Variants in TCEANC2 observed in about 807,000 individuals in gnomAD.
TCEANC2 encodes the protein transcription elongation factor A N-terminal and central domain containing 2.
In TCEANC2, 20 loss-of-function variants were observed where a neutral mutation model predicts 22.8. The ratio of observed to expected loss-of-function variants is 0.88; its 90% CI spans 0.62 to 1.28. TCEANC2 has a LOEUF of 1.28. Ranked by LOEUF, TCEANC2 falls within the 50% of genes most tolerant of loss-of-function variation. The pLI is 0.00. For synonymous variants in TCEANC2, 84 were observed against 95.5 expected (o/e 0.88, Z 0.70); for missense variants, 251 against 249.7 (o/e 1.01, Z -0.03).
In TCEANC2 at chr1:54,100,308, C is replaced by G. The variant is rs1658638505; in HGVS notation, c.*3835C>G. The stretch of plus-strand genomic sequence containing the variant: ...GGTCTTGGTCCTCTGTGTAGGGACT[C>G]AGTCTCTGTATTTTCATTCATTCAT... On this transcript the variant is annotated 3_prime_UTR_variant, in exon 5 of 5. Transcript: ENST00000234827. The G allele has an allele frequency of 6.6e-6, 1 of 151,942 alleles. No individual in the cohort carries two copies. Among genetic ancestry groups the G allele is most frequent in the Non-Finnish European group, 1.5e-5 (1 of 67,984 alleles). 9.4% of individuals were successfully genotyped at this position (151,942 alleles called of 1,614,324 possible).
At chr1:54,088,875 G>A (rs1406068726) in intron 4 of TCEANC2, 85 bp downstream of exon 4, 2 of 978,612 alleles carry the variant, frequency 2.0e-6, no homozygotes, top group Non-Finnish European at 2.8e-6. Flanking sequence ...GTCCTGGTCG[G>A]ATGTGATTAG....
At chr1:54,110,665 C>G (rs925056562), downstream of TCEANC2, among the ~76,000 whole-genome samples, 1 of 152,142 alleles carries the variant, frequency 6.6e-6, no homozygotes, top group African/African-American at 2.4e-5. Flanking sequence ...TCCGATCACC[C>G]TAAGAATAAA....
intron 3 of TCEANC2, among the ~76,000 whole-genome samples, chr1:54,074,202 G>A (rs1658105833): frequency 6.6e-6 from 1 of 152,182 alleles, no homozygotes; most frequent in South Asian, 2.1e-4. Flanking sequence ...AGTGGCTCAG[G>A]CCTGTAATCT....
intron 3 of TCEANC2, among the ~76,000 whole-genome samples, chr1:54,087,606 AT>A (rs2100380488): frequency 6.6e-6 from 1 of 152,296 alleles, no homozygotes; most frequent in East Asian, 1.9e-4. Context: ...TCTAGTGCAT[AT>A]TCATATTCCT....
At chr1:54,068,561 C>G (rs1036077709) in intron 2 of TCEANC2, among the ~76,000 whole-genome samples, 195 bp from the exon 3 acceptor site, 1 of 152,204 alleles carries the variant, frequency 6.6e-6, no homozygotes, top group South Asian at 2.1e-4. Context: ...AGATGCACCT[C>G]TCTTCCTGAT....
chr1:54,058,633 A>C (rs1657796387), intron 2 of TCEANC2, among the ~76,000 whole-genome samples: 1 of 152,058 alleles, frequency 6.6e-6, no homozygotes, highest in Non-Finnish European at 1.5e-5. Context: ...TTCCAGCCAC[A>C]CCTTATTTCT....
At chr1:54,092,456 C>G (rs1658464343) in intron 4 of TCEANC2, among the ~76,000 whole-genome samples, 1 of 152,104 alleles carries the variant, frequency 6.6e-6, no homozygotes, top group Admixed American at 6.6e-5. Context: ...AGAACATACA[C>G]ATAAAATAGA....
intron 4 of TCEANC2, chr1:54,089,918 G>T: frequency 1.3e-6 from 1 of 753,774 alleles, no homozygotes; most frequent in Non-Finnish European, 2.3e-6. Flanking sequence ...AGCAAACAAT[G>T]GCAAGGCAGA....
chr1:54,095,958 G>A (rs1012302912), intron 4 of TCEANC2, among the ~76,000 whole-genome samples: 4 of 152,124 alleles, frequency 2.6e-5, no homozygotes, highest in African/African-American at 4.8e-5. Flanking sequence ...AATATGAACC[G>A]TTATACTGAT....
Position 54,062,372 on chromosome 1 carries a change from T to A in TCEANC2, c.103-6384T>A, listed in dbSNP as rs181317254. Among the ~76,000 whole-genome samples the A allele has an allele frequency of 3.2e-3, 487 of 152,360 alleles. 6 individuals carry two copies. Among genetic ancestry groups the A allele is most frequent in the Middle Eastern group, 0.014 (4 of 294 alleles). On this transcript the variant is annotated intron_variant, in intron 2 of 4. Transcript: ENST00000234827. ...TGGCCCATAGTTAGAGATTGAGACA[T>A]TTCTTGATATATATGGAATTCTTTT...
chr1:54,054,456 C>T lies in TCEANC2; in HGVS notation c.34C>T (p.Gln12Ter), dbSNP rs1261988330. The T allele has an allele frequency of 6.2e-7, 1 of 1,614,036 alleles. No homozygotes were observed. The highest frequency in any genetic ancestry group is 1.1e-5 in the South Asian group (1 of 91,070). ...DKFVIRTPRI[Q>*]NSPQKKDSGG... ...ATTCGTCATTCGAACGCCTAGAATC[C>T]AGAATAGCCCTCAGAAGAAAGATTC... The change falls in exon 2 of 5, where the codon CAG becomes TAG. Residue 12 changes from glutamine to a stop codon, truncating the protein, a stop_gained. Coordinates refer to ENST00000234827, the MANE Select transcript of TCEANC2 (RefSeq NM_153035.3). LOFTEE classifies it high-confidence loss of function.
intron 2 of TCEANC2, among the ~76,000 whole-genome samples, chr1:54,056,810 G>A (rs1657760854): frequency 6.6e-6 from 1 of 152,222 alleles, no homozygotes; most frequent in East Asian, 1.9e-4. Flanking sequence ...GGGAGGCCAA[G>A]GCAGATGGAT....
chr1:54,104,335 T>C lies in TCEANC2; in HGVS notation c.*7862T>C, dbSNP rs1658708481. 4.9e-6 allele frequency: 1 copy of C among 204,574 alleles called. No homozygotes were observed. Among genetic ancestry groups the C allele is most frequent in the Admixed American group, 5.3e-5 (1 of 18,984 alleles). The allele number at this position is 204,574 out of a possible 1,614,324, so 12.7% of individuals were successfully genotyped here. On this transcript the variant is annotated 3_prime_UTR_variant, in exon 5 of 5. Transcript: ENST00000234827. The stretch of plus-strand genomic sequence containing the variant: ...ACTAAAAGAAACATCAAGATTACTA[T>C]GAACTATTAGCTGTGACTGCACCCG...
Position 54,088,674 on chromosome 1 carries a change from A to C in TCEANC2, c.322A>C (p.Lys108Gln). 6.2e-7 allele frequency: 1 copy of C among 1,611,612 alleles called. No individual in the cohort carries two copies. Among genetic ancestry groups the C allele is most frequent in the Non-Finnish European group, 8.5e-7 (1 of 1,179,280 alleles). Reference sequence around the variant, plus strand: ...TGCCAGAGAAGTTTACACTGAGTGGAAAACTTTCACTGAAAAACATTCAAA... The same window carrying C: ...TGCCAGAGAAGTTTACACTGAGTGGCAAACTTTCACTGAAAAACATTCAAA... Reference protein sequence around the residue: ...SLAREVYTEWKTFTEKHSNRP... With the variant: ...SLAREVYTEWQTFTEKHSNRP... The change falls in exon 4 of 5, where the codon AAA becomes CAA. Residue 108 changes from lysine (K) to glutamine (Q), a missense_variant. Lys to Gln is a moderately conservative substitution (Grantham distance 53). Coordinates refer to ENST00000234827, the MANE Select transcript of TCEANC2 (RefSeq NM_153035.3).
At chr1:54,075,496 G>A (rs1658128758) in intron 3 of TCEANC2, among the ~76,000 whole-genome samples, 1 of 152,170 alleles carries the variant, frequency 6.6e-6, no homozygotes, top group Admixed American at 6.5e-5. Flanking sequence ...GATTGGGCCT[G>A]ATTATAAAGA....
At chr1:54,073,584 G>T (rs527501275) in intron 3 of TCEANC2, among the ~76,000 whole-genome samples, 1 of 152,022 alleles carries the variant, frequency 6.6e-6, no homozygotes, top group Non-Finnish European at 1.5e-5. Context: ...TAGTAATACT[G>T]CAGTGAAAGA....
At chr1:54,108,548 C>T (rs1658793686), downstream of TCEANC2, among the ~76,000 whole-genome samples, 1 of 152,186 alleles carries the variant, frequency 6.6e-6, no homozygotes, top group African/African-American at 2.4e-5. Flanking sequence ...AAACCAAACC[C>T]ACTGACACCT....
At chr1:54,094,954 C>T (rs1658517114) in intron 4 of TCEANC2, among the ~76,000 whole-genome samples, 1 of 152,100 alleles carries the variant, frequency 6.6e-6, no homozygotes. Flanking sequence ...GTCTGGGCAA[C>T]ATAGCAAGAC....
chr1:54,086,295 A>C (rs536482407), intron 3 of TCEANC2, among the ~76,000 whole-genome samples: 93 of 152,326 alleles, frequency 6.1e-4, no homozygotes, highest in Middle Eastern at 3.4e-3. Context: ...GTTGGTGAAC[A>C]AAAGAGATAA....
Sources: allele counts gnomAD v4.1 joint callset (sites outside exome capture counted in the v4.1 genomes callset), GRCh38; gene constraint gnomAD v4.1.1; transcripts MANE v1.5; gene names NCBI Gene and HGNC (gene_info 2026-07-23, HGNC 2026-07-21).